Variants in SERPINE3 observed in about 807,000 individuals in gnomAD.
SERPINE3 encodes the protein serpin family E member 3, also known as serpin E3.
SERPINE3 carries 43 observed loss-of-function variants against 41.7 expected under a neutral mutation model. The ratio of observed to expected loss-of-function variants is 1.03; its 90% CI spans 0.81 to 1.33. The LOEUF (loss-of-function observed/expected upper bound fraction) is 1.33. Ranked by LOEUF, SERPINE3 falls within the 40% of genes most tolerant of loss-of-function variation. SERPINE3 has a pLI of 0.00. For missense variants in SERPINE3, 440 were observed against 491.7 expected (o/e 0.89, Z 0.99); for synonymous variants, 200 against 192.2 (o/e 1.04, Z -0.34).
rs760560848 is a variant in SERPINE3 at position 51,344,449 on chromosome 13, A to G, written c.454A>G (p.Ile152Val). 1 of 1,603,206 alleles carries G rather than the reference A, an allele frequency of 6.2e-7. No homozygotes were observed. The highest frequency in any genetic ancestry group is 1.1e-5 in the South Asian group (1 of 89,254). Reference protein sequence around the residue: ...ADLSEPNSTAIQTSEGASRET... With the variant: ...ADLSEPNSTAVQTSEGASRET... ...CCTCAGTGAGCCCAATAGCACCGCC[A>G]TCCAGACTAGCGAAGGGGCCTCCAG... The change falls in exon 4 of 10, where the codon ATC (isoleucine) becomes GTC (valine). Residue 152 changes from isoleucine (I) to valine (V), a missense_variant. Ile to Val is a conservative substitution (Grantham distance 29). Transcript: ENST00000681248.
chr13:51,354,386 G>C (rs1052835520), intron 6 of SERPINE3: 1 of 152,164 alleles, frequency 6.6e-6, no homozygotes, highest in Non-Finnish European at 1.5e-5. Flanking sequence ...TGAAATGTCT[G>C]ATAATCCACA....
intron 9 of SERPINE3, chr13:51,363,726 C>G (rs1049461089): frequency 1.3e-5 from 2 of 151,370 alleles, no homozygotes; most frequent in South Asian, 4.2e-4. Context: ...AGATATTAAC[C>G]TTTAGTTCTG....
Position 51,358,943 on chromosome 13 carries a change from AC to A in SERPINE3, c.1001-2334del, listed in dbSNP as rs577559529. Reference sequence around the variant, plus strand: ...ATGGTGTGGGTGGTTCTATGGTTAAACGCTATGTATTATAATTGTCCTGTAG... The same window carrying A: ...ATGGTGTGGGTGGTTCTATGGTTAAAGCTATGTATTATAATTGTCCTGTAG... On this transcript the variant is annotated intron_variant, in intron 7 of 9. Transcript: ENST00000681248. Among the ~76,000 whole-genome samples, 683 of 152,134 alleles carry A rather than the reference AC, an allele frequency of 4.5e-3. 7 individuals are homozygous for A. The highest frequency in any genetic ancestry group is 0.016 in the African/African-American group (649 of 41,516).
chr13:51,357,377 G>C (rs1955496103), intron 7 of SERPINE3, among the ~76,000 whole-genome samples: 1 of 152,108 alleles, frequency 6.6e-6, no homozygotes, highest in African/African-American at 2.4e-5. Flanking sequence ...CTTATAGTAT[G>C]ACATCAGCAG....
At chr13:51,362,133 G>T in intron 9 of SERPINE3, 2 of 1,302,286 alleles carry the variant, frequency 1.5e-6, no homozygotes, top group Non-Finnish European at 1.0e-6. Flanking sequence ...TATAGTTAAT[G>T]TAGATTTTTT....
chr13:51,349,200 C>T (rs1160545387), intron 6 of SERPINE3, among the ~76,000 whole-genome samples: 2 of 152,198 alleles, frequency 1.3e-5, no homozygotes, highest in South Asian at 4.1e-4. Flanking sequence ...TGGCCTCTCT[C>T]CACTGCCTGG....
At chr13:51,351,382 C>T (rs888763107) in intron 6 of SERPINE3, among the ~76,000 whole-genome samples, 4 of 152,114 alleles carry the variant, frequency 2.6e-5, no homozygotes, top group Non-Finnish European at 5.9e-5. Flanking sequence ...ACTTCATTTG[C>T]ATTTCCCTAA....
intron 6 of SERPINE3, among the ~76,000 whole-genome samples, chr13:51,353,777 T>A (rs1025935085): frequency 1.5e-4 from 23 of 152,338 alleles, no homozygotes; most frequent in South Asian, 2.1e-4. Flanking sequence ...TGTATAGCAA[T>A]GAAGACCTTT....
At chr13:51,349,477 T>A (rs1955384560) in intron 6 of SERPINE3, among the ~76,000 whole-genome samples, 1 of 152,208 alleles carries the variant, frequency 6.6e-6, no homozygotes, top group Non-Finnish European at 1.5e-5. Context: ...GAAGCAACCC[T>A]AATCTTCCTA....
intron 7 of SERPINE3, among the ~76,000 whole-genome samples, chr13:51,357,115 A>G (rs1482787352): frequency 6.6e-6 from 1 of 152,206 alleles, no homozygotes; most frequent in Non-Finnish European, 1.5e-5. Context: ...GACAGACACC[A>G]TATGGCTTGC....
At chr13:51,356,747 A>G (rs952257454) in intron 7 of SERPINE3, among the ~76,000 whole-genome samples, 2 of 151,316 alleles carry the variant, frequency 1.3e-5, no homozygotes, top group Non-Finnish European at 2.9e-5. Flanking sequence ...CTAATAAATA[A>G]CCTAGTTTTA....
chr13:51,342,118 C>T (rs1955297980), intron 3 of SERPINE3, among the ~76,000 whole-genome samples: 1 of 148,534 alleles, frequency 6.7e-6, no homozygotes, highest in African/African-American at 2.5e-5. Context: ...AAAACAGATA[C>T]TCACACACAT....
intron 6 of SERPINE3, chr13:51,354,380 A>G (rs935508100): frequency 1.3e-5 from 2 of 152,216 alleles, no homozygotes; most frequent in African/African-American, 2.4e-5. Flanking sequence ...TGAAGATGAA[A>G]TGTCTGATAA....
chr13:51,344,459 G>T lies in SERPINE3; in HGVS notation c.464G>T (p.Ser155Ile). The T allele has an allele frequency of 1.3e-6, 2 of 1,597,392 alleles. No homozygotes were observed. The change falls in exon 4 of 10, where the codon AGC becomes ATC. Residue 155 changes from serine (S) to isoleucine (I), a missense_variant. Transcript: ENST00000681248. Reference protein sequence around the residue: ...SEPNSTAIQTSEGASRETAGG... With the variant: ...SEPNSTAIQTIEGASRETAGG... ...CCCAATAGCACCGCCATCCAGACTAGCGAAGGGGCCTCCAGAGAGACTGCA... is the reference window on the plus strand; with the variant it reads ...CCCAATAGCACCGCCATCCAGACTATCGAAGGGGCCTCCAGAGAGACTGCA...
intron 5 of SERPINE3, 70 bp from the exon 6 acceptor site, chr13:51,348,143 C>A: frequency 8.2e-7 from 1 of 1,224,528 alleles, no homozygotes; most frequent in Non-Finnish European, 1.2e-6. Context: ...CAGCCTCTCT[C>A]AGGGTCCGAC....
At chr13:51,355,448 C>T (rs1211840868) in intron 7 of SERPINE3, among the ~76,000 whole-genome samples, 1 of 152,136 alleles carries the variant, frequency 6.6e-6, no homozygotes, top group Non-Finnish European at 1.5e-5. Context: ...GTACCCAAGG[C>T]ATTGCTGCAG....
At chr13:51,345,103 A>G (rs1955332523) in intron 4 of SERPINE3, among the ~76,000 whole-genome samples, 1 of 152,226 alleles carries the variant, frequency 6.6e-6, no homozygotes, top group African/African-American at 2.4e-5. Context: ...TAGTTTATTT[A>G]GTTAGCACTG....
Position 51,347,041 on chromosome 13 carries a change from G to T in SERPINE3, c.507G>T (p.Glu169Asp). The T allele has an allele frequency of 6.3e-7, 1 of 1,585,054 alleles. No individual in the cohort carries two copies. Among genetic ancestry groups the T allele is most frequent in the African/African-American group, 1.3e-5 (1 of 74,474 alleles). The change falls in exon 5 of 10, where the codon GAG (glutamate) becomes GAT (aspartate). Residue 169 changes from glutamate (E) to aspartate (D), a missense_variant. Physicochemically the swap from Glu to Asp is conservative, Grantham distance 45. Transcript: ENST00000681248. ...TGCTTGCAGGTGGGGGCCCCAGTGA[G>T]GGCCCTGGTGGCTGGCCGTGGGAGC... The part of the protein sequence containing the change: ...SRETAGGGPS[E>D]GPGGWPWEQV...
intron 7 of SERPINE3, among the ~76,000 whole-genome samples, chr13:51,360,736 A>G (rs765651684): frequency 2.6e-5 from 4 of 152,088 alleles, no homozygotes; most frequent in Non-Finnish European, 5.9e-5. Flanking sequence ...AGACACATTC[A>G]TATTACTCTG....
Sources: gnomAD v4.1 joint callset for allele counts (sites outside exome capture counted in the v4.1 genomes callset) on GRCh38, gnomAD v4.1.1 for gene constraint, MANE v1.5 for transcripts, NCBI Gene and HGNC (gene_info 2026-07-23, HGNC 2026-07-21) for gene names.